ZEB1: variants seen among roughly 807,000 people sequenced by gnomAD.
ZEB1 encodes the protein zinc finger E-box binding homeobox 1.
A neutral mutation model predicts 84.9 loss-of-function variants in ZEB1; 21 were observed. That is an observed-to-expected ratio of 0.25 (90% CI 0.18 to 0.36). The LOEUF is 0.36. Ranked by LOEUF, ZEB1 falls within the 10% of genes least tolerant of loss-of-function variation. ZEB1 has a pLI of 1.00. For missense variants in ZEB1, 1,104 were observed against 1,330.2 expected (o/e 0.83, Z 2.65); for synonymous variants, 420 against 471.1 (o/e 0.89, Z 1.41).
intron 1 of ZEB1, among the ~76,000 whole-genome samples, chr10:31,440,986 G>T (rs2058884532): frequency 6.6e-6 from 1 of 152,084 alleles, no homozygotes; most frequent in Middle Eastern, 3.2e-3. Context: ...ACTGCCCAAG[G>T]TAATTTATAG....
rs189276857 is a variant in ZEB1, at chr10:31,461,220, A to G, written c.242A>G (p.Asn81Ser). The G allele has an allele frequency of 1.8e-4, 286 of 1,613,004 alleles. No homozygotes were observed. In the East Asian group the frequency reaches 6.0e-3, roughly 34 times the overall value. ...RSSEREGNAK[N>S]CWEDDTGKEG... ...AGTGAAAGAGAAGGGAATGCTAAGA[A>G]CTGCTGGGAGGATGACAGTAAGTCT... Residue 81 changes from asparagine (N) to serine (S), a missense_variant, in exon 2 of 9, where the codon AAC becomes AGC. By Grantham distance (46) the Asn-to-Ser change is conservative (BLOSUM62 1). Transcript: ENST00000424869.
chr10:31,368,314 C>T (rs555668196), intron 1 of ZEB1, among the ~76,000 whole-genome samples: 2 of 152,128 alleles, frequency 1.3e-5, no homozygotes, highest in East Asian at 3.9e-4. Context: ...CACCACCATG[C>T]CCAGCTAACT....
At chr10:31,450,763 A>T (rs1474222262) in intron 1 of ZEB1, among the ~76,000 whole-genome samples, 3 of 152,118 alleles carry the variant, frequency 2.0e-5, no homozygotes, top group Non-Finnish European at 4.4e-5. Context: ...TTTGTCCTTT[A>T]TGTTAATATA....
intron 1 of ZEB1, among the ~76,000 whole-genome samples, chr10:31,445,271 C>T (rs1432687445): frequency 6.7e-6 from 1 of 148,950 alleles, no homozygotes; most frequent in Admixed American, 6.6e-5. Context: ...ATTTTGTATC[C>T]TGAGACTTTG....
intron 1 of ZEB1, among the ~76,000 whole-genome samples, chr10:31,440,377 C>T (rs918876186): frequency 3.9e-5 from 6 of 151,974 alleles, no homozygotes; most frequent in Admixed American, 6.5e-5. Flanking sequence ...TAAAAACTCT[C>T]AATAAATTAG....
At chr10:31,380,437 A>G (rs1675857679) in intron 1 of ZEB1, among the ~76,000 whole-genome samples, 1 of 152,178 alleles carries the variant, frequency 6.6e-6, no homozygotes, top group Admixed American at 6.6e-5. Context: ...ATCAAGGAGC[A>G]TATAATGTCT....
At position 31,514,643 on chromosome 10, in the gene ZEB1, G is replaced by A; in HGVS notation, c.728G>A (p.Cys243Tyr). The change falls in exon 6 of 9, where the codon TGC becomes TAC. Residue 243 changes from cysteine (C) to tyrosine (Y), a missense_variant. Transcript: ENST00000424869. Reference protein sequence around the residue: ...TQSGCNRKFKCTECGKAFKYK... With the variant: ...TQSGCNRKFKYTECGKAFKYK... ...TCTGGGTGTAATCGTAAATTCAAAT[G>A]CACTGAGTGTGGAAAAGCTTTCAAA... The A allele has an allele frequency of 6.2e-7, 1 of 1,612,798 alleles. No homozygotes were observed. The highest frequency in any genetic ancestry group is 8.5e-7 in the Non-Finnish European group (1 of 1,179,084).
intron 1 of ZEB1, among the ~76,000 whole-genome samples, chr10:31,335,677 G>C (rs2037870531): frequency 6.6e-6 from 1 of 152,004 alleles, no homozygotes; most frequent in African/African-American, 2.4e-5. Flanking sequence ...CCACTTCATG[G>C]TAAAGTATTG....
At chr10:31,497,678 C>T (rs980259504) in intron 3 of ZEB1, among the ~76,000 whole-genome samples, 3 of 152,080 alleles carry the variant, frequency 2.0e-5, no homozygotes, top group Non-Finnish European at 2.9e-5. Context: ...AAGCATTGTA[C>T]AGCAGTCGCC....
chr10:31,477,115 C>A (rs1002772239), intron 2 of ZEB1, among the ~76,000 whole-genome samples: 2 of 151,932 alleles, frequency 1.3e-5, no homozygotes, highest in African/African-American at 2.4e-5. Context: ...AAGAGGAAAT[C>A]AAATTATCTC....
intron 4 of ZEB1, among the ~76,000 whole-genome samples, chr10:31,507,439 T>G (rs1343622383): frequency 6.6e-6 from 1 of 152,164 alleles, no homozygotes; most frequent in Non-Finnish European, 1.5e-5. Context: ...TCCCTTTTGT[T>G]TCCTCTTTGC....
chr10:31,383,495 T>G (rs150680369), intron 1 of ZEB1, among the ~76,000 whole-genome samples: 34 of 152,270 alleles, frequency 2.2e-4, no homozygotes, highest in African/African-American at 6.5e-4. Flanking sequence ...AAAGTGATAG[T>G]CATAATTAAA....
intron 1 of ZEB1, among the ~76,000 whole-genome samples, chr10:31,373,771 G>GTGAAGTAGCTGTTCATAATA (rs2046137552): frequency 6.6e-6 from 1 of 151,782 alleles, no homozygotes; most frequent in African/African-American, 2.4e-5. Context: ...CCAAAACAAA[G>GTGAAGTAGCTGTTCATAATA]TGAAGTAGCT....
intron 1 of ZEB1, among the ~76,000 whole-genome samples, chr10:31,354,288 C>A (rs2041778964): frequency 6.6e-6 from 1 of 152,008 alleles, no homozygotes; most frequent in African/African-American, 2.4e-5. Flanking sequence ...TTTTTTTGTA[C>A]TTAGCACAAA....
intron 2 of ZEB1, among the ~76,000 whole-genome samples, chr10:31,463,821 T>C (rs1050420729): frequency 2.0e-5 from 3 of 152,196 alleles, no homozygotes; most frequent in Admixed American, 1.3e-4. Flanking sequence ...ACAAGTCTTT[T>C]GGAGAAATAT....
chr10:31,376,754 T>C (rs946578239), intron 1 of ZEB1, among the ~76,000 whole-genome samples: 1 of 151,626 alleles, frequency 6.6e-6, no homozygotes, highest in Non-Finnish European at 1.5e-5. Flanking sequence ...ATTTGATATA[T>C]GAAAATGCTA....
intron 1 of ZEB1, among the ~76,000 whole-genome samples, chr10:31,425,214 C>G (rs776927101): frequency 2.6e-5 from 4 of 151,884 alleles, no homozygotes; most frequent in Non-Finnish European, 4.4e-5. Flanking sequence ...GAATTTGAAT[C>G]AATTGAATTT....
upstream of ZEB1, chr10:31,318,883 C>T (rs2032875834): frequency 5.4e-6 from 2 of 368,634 alleles, no homozygotes; most frequent in South Asian, 4.5e-5. Flanking sequence ...CGCCGCCGAG[C>T]CTCCAACTTT....
intron 1 of ZEB1, among the ~76,000 whole-genome samples, chr10:31,335,127 G>A (rs1173063594): frequency 2.0e-5 from 3 of 152,014 alleles, no homozygotes; most frequent in Non-Finnish European, 4.4e-5. Context: ...CCATCTGTAG[G>A]TGGTTACCTA....
Sources: allele counts gnomAD v4.1 joint callset (sites outside exome capture counted in the v4.1 genomes callset), GRCh38; gene constraint gnomAD v4.1.1; transcripts MANE v1.5; gene names NCBI Gene and HGNC (gene_info 2026-07-23, HGNC 2026-07-21).